Variants in GPC6 observed in about 807,000 individuals in gnomAD.
GPC6 encodes glypican-6.
In GPC6, 14 loss-of-function variants were observed where a neutral mutation model predicts 55.2. The ratio of observed to expected loss-of-function variants is 0.25; its 90% CI spans 0.17 to 0.40. The LOEUF is 0.40. Among genes scored for constraint, GPC6 ranks in the 10% least tolerant of loss-of-function variants. The pLI is 1.00. For synonymous variants in GPC6, 278 were observed against 259.6 expected, an observed-to-expected ratio of 1.07 and a Z score of -0.68; for missense variants, 641 against 708.5, an observed-to-expected ratio of 0.90 and a Z score of 1.08.
chr13:93,781,341 C>A (rs1047669521), intron 2 of GPC6, among the ~76,000 whole-genome samples: 2 of 151,436 alleles, frequency 1.3e-5, no homozygotes, highest in Non-Finnish European at 2.9e-5. Flanking sequence ...TAACAAAAGT[C>A]TTTTTCGCAA....
At chr13:93,252,264 T>C (rs765318380) in intron 1 of GPC6, among the ~76,000 whole-genome samples, 68 of 151,182 alleles carry the variant, frequency 4.5e-4, no homozygotes, top group Non-Finnish European at 8.4e-4. Flanking sequence ...AGCAGTTCCC[T>C]TTTTTTTCCC....
chr13:94,010,257 G>T (rs1365425608), intron 3 of GPC6, among the ~76,000 whole-genome samples: 1 of 152,142 alleles, frequency 6.6e-6, no homozygotes, highest in Non-Finnish European at 1.5e-5. Context: ...GACTTGAAAA[G>T]ATTAATTTAA....
intron 4 of GPC6, among the ~76,000 whole-genome samples, chr13:94,136,050 T>C (rs1458233435): frequency 6.6e-6 from 1 of 152,208 alleles, no homozygotes; most frequent in African/African-American, 2.4e-5. Flanking sequence ...GGATAAAAGG[T>C]AACCAAATTG....
chr13:93,399,890 G>C (rs1037802329), intron 1 of GPC6, among the ~76,000 whole-genome samples: 1 of 152,292 alleles, frequency 6.6e-6, no homozygotes, highest in South Asian at 2.1e-4. Flanking sequence ...GCTTCTTTTA[G>C]CTCAGAAGGA....
intron 4 of GPC6, among the ~76,000 whole-genome samples, chr13:94,102,699 T>C (rs1594737983): frequency 6.6e-6 from 1 of 152,156 alleles, no homozygotes; most frequent in Non-Finnish European, 1.5e-5. Flanking sequence ...GATGGTACGA[T>C]ATTCCCAGTA....
chr13:94,322,346 G>A (rs1465389805), intron 6 of GPC6, among the ~76,000 whole-genome samples: 1 of 152,184 alleles, frequency 6.6e-6, no homozygotes, highest in Non-Finnish European at 1.5e-5. Context: ...CCAGTCTCAG[G>A]TATGTCTTAG....
chr13:93,835,609 G>A (rs112062541), intron 3 of GPC6, among the ~76,000 whole-genome samples: 3,930 of 152,154 alleles, frequency 0.026, 61 homozygotes, highest in South Asian at 0.064. Flanking sequence ...AAAATTAGCC[G>A]GGTGTGGTGG....
At chr13:94,076,170 G>A (rs970320098) in intron 4 of GPC6, among the ~76,000 whole-genome samples, 6 of 151,468 alleles carry the variant, frequency 4.0e-5, no homozygotes, top group Non-Finnish European at 7.4e-5. Flanking sequence ...TAGCAGGTGT[G>A]AGGTGATAAT....
intron 2 of GPC6, among the ~76,000 whole-genome samples, chr13:93,577,638 C>T (rs995018714): frequency 2.6e-5 from 4 of 151,922 alleles, no homozygotes; most frequent in South Asian, 2.1e-4. Context: ...AAGGTCGTGT[C>T]GTTTGCATAC....
chr13:93,381,448 TATTA>T (rs1300806463), intron 1 of GPC6, among the ~76,000 whole-genome samples: 7 of 152,192 alleles, frequency 4.6e-5, no homozygotes, highest in African/African-American at 1.4e-4. Flanking sequence ...AAATCATAAT[TATTA>T]ATTCTTCAAA....
intron 5 of GPC6, among the ~76,000 whole-genome samples, chr13:94,289,968 C>G (rs1262809098): frequency 6.6e-6 from 1 of 152,124 alleles, no homozygotes; most frequent in Non-Finnish European, 1.5e-5. Flanking sequence ...GAAATCAAAA[C>G]TATTCCTTAT....
At chr13:94,242,366 C>T (rs1439266241) in intron 4 of GPC6, among the ~76,000 whole-genome samples, 2 of 151,918 alleles carry the variant, frequency 1.3e-5, no homozygotes, top group African/African-American at 4.8e-5. Flanking sequence ...ACTAGAAATG[C>T]CATTTGACCC....
At chr13:94,006,574 A>G (rs1882029211) in intron 3 of GPC6, among the ~76,000 whole-genome samples, 1 of 152,230 alleles carries the variant, frequency 6.6e-6, no homozygotes, top group Non-Finnish European at 1.5e-5. Context: ...AGTAAAAACC[A>G]GGAGGCAGTC....
At chr13:93,542,898 T>G (rs2139429888) in intron 1 of GPC6, among the ~76,000 whole-genome samples, 1 of 152,334 alleles carries the variant, frequency 6.6e-6, no homozygotes, top group African/African-American at 2.4e-5. Flanking sequence ...TTGCTGAAGT[T>G]GCTTATCAGC....
intron 3 of GPC6, among the ~76,000 whole-genome samples, chr13:94,005,270 A>G (rs1254945412): frequency 6.6e-6 from 1 of 152,218 alleles, no homozygotes; most frequent in Admixed American, 6.5e-5. Flanking sequence ...TAATTTGTAG[A>G]ACTATGTCGC....
intron 1 of GPC6, among the ~76,000 whole-genome samples, chr13:93,522,356 A>G (rs1203434047): frequency 1.3e-5 from 2 of 151,956 alleles, no homozygotes; most frequent in African/African-American, 2.4e-5. Context: ...GTTCATGTAT[A>G]ATTCATTTCA....
chr13:94,365,675 T>A lies in GPC6; in HGVS notation c.1153-16739T>A, dbSNP rs566311131. The stretch of plus-strand genomic sequence containing the variant: ...TTGCTGAATATTTTCCTATGCTGCA[T>A]CTAAATTACTTTTCCAATGTGTGTA... On this transcript the variant is annotated intron_variant, in intron 6 of 8. Transcript: ENST00000377047. 2.6e-5 allele frequency among the ~76,000 whole-genome samples: 4 copies of A among 152,346 alleles called. No individual in the cohort carries two copies. In the East Asian group the frequency reaches 7.7e-4, roughly 29 times the overall value.
At chr13:94,221,231 T>A (rs1454440059) in intron 4 of GPC6, among the ~76,000 whole-genome samples, 1 of 152,122 alleles carries the variant, frequency 6.6e-6, no homozygotes, top group East Asian at 1.9e-4. Flanking sequence ...TGGGATCATA[T>A]AATATTCACC....
intron 4 of GPC6, among the ~76,000 whole-genome samples, chr13:94,233,278 CAAT>C (rs1485169616): frequency 6.6e-6 from 1 of 151,752 alleles, no homozygotes; most frequent in Non-Finnish European, 1.5e-5. Flanking sequence ...AAACAAACAA[CAAT>C]AACAACAAAA....
Sources: gnomAD v4.1 joint callset for allele counts (sites outside exome capture counted in the v4.1 genomes callset) on GRCh38, gnomAD v4.1.1 for gene constraint, MANE v1.5 for transcripts, NCBI Gene and HGNC (gene_info 2026-07-23, HGNC 2026-07-21) for gene names.